Variants in ZNF248 observed in about 807,000 individuals in gnomAD.
ZNF248 encodes zinc finger protein 248.
Under a neutral mutation model 44.3 loss-of-function variants are expected in ZNF248, and 20 were observed. The observed-to-expected ratio is 0.45, with a 90% CI of 0.32 to 0.66. The LOEUF (loss-of-function observed/expected upper bound fraction) is 0.66, where lower values mean the gene tolerates loss of function less well. ZNF248 is among the 30% of genes least tolerant of loss of function. The probability of loss-of-function intolerance (pLI) is 0.04; values close to 1 mark genes in which losing one functional copy is unlikely to be tolerated. For synonymous variants in ZNF248, 224 were observed against 229.0 expected, an observed-to-expected ratio of 0.98 and a Z score of 0.20; for missense variants, 654 against 677.0, an observed-to-expected ratio of 0.97 and a Z score of 0.38.
chr10:37,780,576 C>G (rs534884499), intron 6 of ZNF248, among the ~76,000 whole-genome samples: 1 of 152,230 alleles, frequency 6.6e-6, no homozygotes, highest in Non-Finnish European at 1.5e-5. Flanking sequence ...CATCCCTCTA[C>G]AGGTGAGGAC....
At chr10:37,838,587 G>A (rs1468378452) in intron 3 of ZNF248, among the ~76,000 whole-genome samples, 8 of 152,038 alleles carry the variant, frequency 5.3e-5, no homozygotes, top group Non-Finnish European at 8.8e-5. Flanking sequence ...TGACTGCCCC[G>A]CAGTCTACAT....
chr10:37,810,952 T>G (rs191078532), intron 6 of ZNF248, among the ~76,000 whole-genome samples: 90 of 152,318 alleles, frequency 5.9e-4, no homozygotes, highest in African/African-American at 2.0e-3. Context: ...CATCTTTGTG[T>G]GAGCAGTTCA....
the ZNF248 span, among the ~76,000 whole-genome samples, chr10:37,759,858 A>G: frequency 1.3e-5 from 2 of 152,348 alleles, no homozygotes; most frequent in African/African-American, 4.8e-5. Context: ...CTGGAGATGC[A>G]TCGGTGTCCA....
At chr10:37,817,500 T>C (rs1459650914) in intron 6 of ZNF248, among the ~76,000 whole-genome samples, 1 of 152,086 alleles carries the variant, frequency 6.6e-6, no homozygotes, top group Non-Finnish European at 1.5e-5. Flanking sequence ...CTTTGTCCAA[T>C]GACAAAAACC....
chr10:37,782,470 A>C (rs2047424828), intron 6 of ZNF248, among the ~76,000 whole-genome samples: 1 of 152,140 alleles, frequency 6.6e-6, no homozygotes, highest in South Asian at 2.1e-4. Context: ...GTTGGGGGGC[A>C]GAGGGCAGGT....
the ZNF248 span, among the ~76,000 whole-genome samples, chr10:37,763,824 A>G: frequency 6.6e-6 from 1 of 152,250 alleles, no homozygotes; most frequent in African/African-American, 2.4e-5. Flanking sequence ...ATCTCTGAAC[A>G]TAAATTGTGA....
intron 6 of ZNF248, among the ~76,000 whole-genome samples, chr10:37,784,853 C>G (rs2047699974): frequency 6.6e-6 from 1 of 151,998 alleles, no homozygotes; most frequent in Non-Finnish European, 1.5e-5. Context: ...GAGAGAAAAA[C>G]AAAAAACAAA....
chr10:37,781,212 T>C (rs748920864), intron 6 of ZNF248, among the ~76,000 whole-genome samples: 6 of 152,306 alleles, frequency 3.9e-5, no homozygotes, highest in South Asian at 2.1e-4. Flanking sequence ...TCCCATCAGC[T>C]GGACCCAACA....
At chr10:37,846,037 G>GT in intron 3 of ZNF248, among the ~76,000 whole-genome samples, 1 of 152,200 alleles carries the variant, frequency 6.6e-6, no homozygotes, top group East Asian at 1.9e-4. Context: ...ATTTTTGCCT[G>GT]TAACTTCTGC....
chr10:37,806,712 T>C (rs1421163659), intron 6 of ZNF248, among the ~76,000 whole-genome samples: 2 of 152,288 alleles, frequency 1.3e-5, no homozygotes, highest in African/African-American at 2.4e-5. Flanking sequence ...CTGTTGATAG[T>C]GTCCTTTAAA....
At chr10:37,833,902 T>C (rs1319522302) in intron 5 of ZNF248, among the ~76,000 whole-genome samples, 1 of 151,472 alleles carries the variant, frequency 6.6e-6, no homozygotes, top group African/African-American at 2.4e-5. Flanking sequence ...GGAAATAGAG[T>C]GAGTGGTAGT....
chr10:37,813,019 C>CAAA lies in ZNF248; in HGVS notation c.330+20003_330+20005dup, dbSNP rs1269928346. On this transcript the variant is annotated intron_variant, in intron 6 of 6. Transcript: ENST00000615949. The stretch of plus-strand genomic sequence containing the variant: ...ATCATAAAAGAGATCGTGGATATGG[C>CAAA]AAAAAGAAAAAAAAAAAAAAAGGTG... Among the ~76,000 whole-genome samples, 33 of 117,082 alleles carry CAAA rather than the reference C, an allele frequency of 2.8e-4. 1 individual carries two copies. The highest frequency in any genetic ancestry group is 4.7e-4 in the Non-Finnish European group (27 of 56,898). The allele number at this position is 117,082 out of a possible 152,430, so 76.8% of individuals were successfully genotyped here.
At chr10:37,840,822 A>C (rs116458813) in intron 3 of ZNF248, among the ~76,000 whole-genome samples, 1,617 of 152,276 alleles carry the variant, frequency 0.011, 25 homozygotes, top group South Asian at 0.059. Context: ...GCTCCTTTGA[A>C]AACCAGCTGC....
At chr10:37,821,758 A>C (rs948526566) in intron 6 of ZNF248, among the ~76,000 whole-genome samples, 1 of 152,196 alleles carries the variant, frequency 6.6e-6, no homozygotes, top group Non-Finnish European at 1.5e-5. Flanking sequence ...CAGGCTTGAA[A>C]ACACAAGACG....
chr10:37,801,434 C>CAA (rs199753739), intron 6 of ZNF248, among the ~76,000 whole-genome samples: 3 of 151,266 alleles, frequency 2.0e-5, no homozygotes, highest in Non-Finnish European at 4.4e-5. Flanking sequence ...AAATCAATTA[C>CAA]AAAAAAATCA....
intron 3 of ZNF248, among the ~76,000 whole-genome samples, chr10:37,848,890 A>C (rs1042799917): frequency 1.3e-5 from 2 of 152,226 alleles, no homozygotes; most frequent in South Asian, 2.1e-4. Flanking sequence ...ACCTGTGCTG[A>C]TCAAACTAGT....
intron 3 of ZNF248, among the ~76,000 whole-genome samples, chr10:37,847,404 A>G (rs1222214532): frequency 6.6e-6 from 1 of 152,120 alleles, no homozygotes; most frequent in Non-Finnish European, 1.5e-5. Flanking sequence ...GGAAACTTTA[A>G]AGTACAACGG....
chr10:37,777,385 C>G (rs181249444), intron 6 of ZNF248, among the ~76,000 whole-genome samples: 5 of 152,198 alleles, frequency 3.3e-5, no homozygotes, highest in Non-Finnish European at 7.3e-5. Context: ...CTTGCATAAA[C>G]ACCCGTAGCT....
At chr10:37,820,513 T>G in intron 6 of ZNF248, 1 of 1,601,390 alleles carries the variant, frequency 6.2e-7, no homozygotes, top group Non-Finnish European at 8.5e-7. Flanking sequence ...AATGTTGCGG[T>G]GAGGATCGTG....
Sources: allele counts gnomAD v4.1 joint callset (sites outside exome capture counted in the v4.1 genomes callset), GRCh38; gene constraint gnomAD v4.1.1; transcripts MANE v1.5; gene names NCBI Gene and HGNC (gene_info 2026-07-23, HGNC 2026-07-21).